The following L3MBTL3 variants were observed in gnomAD, a reference collection of about 807,000 sequenced individuals.
L3MBTL3 encodes the protein lethal(3)malignant brain tumor-like protein 3.
A neutral mutation model predicts 102.3 loss-of-function variants in L3MBTL3; 27 were observed. That is an observed-to-expected ratio of 0.26 (90% confidence interval 0.19 to 0.36). L3MBTL3 has a LOEUF of 0.36. Ranked by LOEUF, L3MBTL3 falls within the 10% of genes least tolerant of loss-of-function variation. The pLI is 1.00. For synonymous variants in L3MBTL3, 340 were observed against 320.9 expected, an observed-to-expected ratio of 1.06 and a Z score of -0.64; for missense variants, 798 against 955.3, an observed-to-expected ratio of 0.84 and a Z score of 2.17.
In L3MBTL3 at chr6:130,059,933, T is replaced by C. The variant is rs551422179; in HGVS notation, c.760-103T>C. On this transcript the variant is annotated intron_variant, in intron 9 of 22. Coordinates refer to ENST00000361794, the MANE Select transcript of L3MBTL3 (RefSeq NM_032438.4). ...TTTTTCTTTGGATTTTTAGAAGTTA[T>C]GTATTTGGTTAAATAGTCTTTATTT... 7 of 594,228 alleles carry C rather than the reference T, an allele frequency of 1.2e-5. No homozygotes were observed. In the East Asian group the frequency reaches 2.2e-4, roughly 18 times the overall value. 36.8% of individuals were successfully genotyped at this position (594,228 alleles called of 1,614,324 possible). A position where few individuals can be genotyped will look rare whatever the true frequency, so the allele number is the denominator to read the frequency against.
intron 13 of L3MBTL3, among the ~76,000 whole-genome samples, chr6:130,075,156 A>G (rs1029412726): frequency 7.2e-5 from 11 of 152,130 alleles, no homozygotes; most frequent in Non-Finnish European, 1.3e-4. Context: ...TGGGGGGCTC[A>G]TGGTCTGGGG....
chr6:130,117,132 C>T (rs1459378300), intron 19 of L3MBTL3, among the ~76,000 whole-genome samples: 54 of 104,534 alleles, frequency 5.2e-4, no homozygotes, highest in African/African-American at 1.8e-3. Context: ...CTCCCCCCAC[C>T]CCACCACAGT....
chr6:130,049,434 A>G (rs1357527504), intron 4 of L3MBTL3, 41 bp downstream of exon 4: 4 of 1,287,970 alleles, frequency 3.1e-6, no homozygotes, highest in South Asian at 1.3e-5. Flanking sequence ...TGCTTTTGAA[A>G]GATTTGAAAT....
intron 17 of L3MBTL3, 115 bp downstream of exon 17, chr6:130,092,974 A>G (rs984615567): frequency 1.7e-5 from 10 of 589,000 alleles, no homozygotes; most frequent in Middle Eastern, 2.6e-4. Flanking sequence ...TTTCTTCTCT[A>G]TGTAATCCCT....
At chr6:130,048,921 A>G (rs372073873) in intron 3 of L3MBTL3, among the ~76,000 whole-genome samples, 6 of 148,696 alleles carry the variant, frequency 4.0e-5, no homozygotes, top group African/African-American at 1.3e-4. Context: ...ACGACGTAAG[A>G]AAAAATAAGT....
intron 2 of L3MBTL3, among the ~76,000 whole-genome samples, chr6:130,023,600 T>C (rs1333684897): frequency 6.6e-6 from 1 of 152,212 alleles, no homozygotes; most frequent in East Asian, 1.9e-4. Context: ...TCTACCTCCT[T>C]CAGCCTCCAT....
chr6:130,045,015 A>T (rs1333099984), intron 3 of L3MBTL3, among the ~76,000 whole-genome samples: 2 of 152,114 alleles, frequency 1.3e-5, no homozygotes, highest in African/African-American at 4.8e-5. Context: ...TATAGAAGTC[A>T]ATTTCTTATC....
chr6:130,096,732 A>G (rs1411984847), intron 18 of L3MBTL3, among the ~76,000 whole-genome samples: 1 of 152,192 alleles, frequency 6.6e-6, no homozygotes, highest in Non-Finnish European at 1.5e-5. Flanking sequence ...TTCAGTGGTT[A>G]TATTTAGAGC....
intron 2 of L3MBTL3, among the ~76,000 whole-genome samples, chr6:130,039,316 TA>T (rs919610315): frequency 3.3e-5 from 5 of 151,786 alleles, no homozygotes; most frequent in South Asian, 2.1e-4. Context: ...TCATTTTGCT[TA>T]AAAAAAAGCA....
At chr6:130,123,476 C>A (rs1276031854) in intron 20 of L3MBTL3, among the ~76,000 whole-genome samples, 1 of 151,982 alleles carries the variant, frequency 6.6e-6, no homozygotes, top group Non-Finnish European at 1.5e-5. Context: ...AGAATTATTG[C>A]ACATATTTTT....
intron 18 of L3MBTL3, among the ~76,000 whole-genome samples, chr6:130,094,954 T>C (rs1053144703): frequency 1.3e-5 from 2 of 152,104 alleles, no homozygotes; most frequent in African/African-American, 4.8e-5. Flanking sequence ...ACTACTAAAG[T>C]ACAGCTACTT....
intron 19 of L3MBTL3, among the ~76,000 whole-genome samples, chr6:130,112,997 G>C (rs11154521): frequency 0.24 from 35,960 of 152,142 alleles, 5,237 homozygotes; most frequent in Non-Finnish European, 0.33. Flanking sequence ...GCTCCTAGAG[G>C]CAAGATGTTG....
intron 18 of L3MBTL3, among the ~76,000 whole-genome samples, chr6:130,099,818 A>C (rs1784576655): frequency 6.6e-6 from 1 of 152,206 alleles, no homozygotes; most frequent in Non-Finnish European, 1.5e-5. Context: ...TTATAAAATA[A>C]ATTGGTGACA....
At chr6:130,082,329 A>G (rs975818522) in intron 14 of L3MBTL3, among the ~76,000 whole-genome samples, 2 of 152,228 alleles carry the variant, frequency 1.3e-5, no homozygotes, top group African/African-American at 2.4e-5. Flanking sequence ...GTGCTAAACT[A>G]TAATTTTTCT....
chr6:130,114,594 T>G (rs1194433283), intron 19 of L3MBTL3, among the ~76,000 whole-genome samples: 2 of 152,190 alleles, frequency 1.3e-5, no homozygotes, highest in Non-Finnish European at 2.9e-5. Flanking sequence ...ATTATATTCC[T>G]TTTATTGTAT....
rs77628626 is a variant in L3MBTL3, at chr6:130,044,141, T to C, written c.102+1340T>C. Among the ~76,000 whole-genome samples, 645 of 152,324 alleles carry C rather than the reference T, an allele frequency of 4.2e-3. 5 individuals carry two copies. The highest frequency in any genetic ancestry group is 7.0e-3 in the Non-Finnish European group (473 of 68,038). Reference sequence around the variant, plus strand: ...GAAAAACTGTTTCTCAAACTGGTCATGTCAACTACATAATAGCTACCCAAG... The same window carrying C: ...GAAAAACTGTTTCTCAAACTGGTCACGTCAACTACATAATAGCTACCCAAG... On this transcript the variant is annotated intron_variant, in intron 3 of 22. Coordinates refer to ENST00000361794, the MANE Select transcript of L3MBTL3 (RefSeq NM_032438.4).
chr6:130,060,407 C>A (rs1280013965), intron 10 of L3MBTL3, among the ~76,000 whole-genome samples: 2 of 151,964 alleles, frequency 1.3e-5, no homozygotes, highest in Non-Finnish European at 2.9e-5. Context: ...CGGATTTGAA[C>A]CAGTGTCTGT....
At chr6:130,120,210 G>GT (rs1157087100) in intron 19 of L3MBTL3, among the ~76,000 whole-genome samples, 2 of 152,286 alleles carry the variant, frequency 1.3e-5, no homozygotes, top group East Asian at 3.9e-4. Context: ...TCCCTGAAAC[G>GT]TAAGAAAAGT....
At chr6:130,068,180 T>C (rs1782390394) in intron 11 of L3MBTL3, 150 bp from the exon 12 acceptor site, 1 of 546,998 alleles carries the variant, frequency 1.8e-6, no homozygotes, top group African/African-American at 1.9e-5. Flanking sequence ...ATAGTCTAAA[T>C]ATGCATAGTT....
Sources: allele counts gnomAD v4.1 joint callset (sites outside exome capture counted in the v4.1 genomes callset), GRCh38; gene constraint gnomAD v4.1.1; transcripts MANE v1.5; gene names NCBI Gene and HGNC (gene_info 2026-07-23, HGNC 2026-07-21).